The following SRGAP3 variants were observed in gnomAD, a reference collection of about 807,000 sequenced individuals.
The protein encoded by SRGAP3 is SLIT-ROBO Rho GTPase-activating protein 3.
SRGAP3 carries 39 observed loss-of-function variants against 121.1 expected under a neutral mutation model. The observed-to-expected ratio is 0.32, with a 90% CI of 0.25 to 0.42. The LOEUF is 0.42. SRGAP3 is among the 10% of genes least tolerant of loss of function. The pLI, the probability that SRGAP3 is intolerant of heterozygous loss-of-function variation, is 1.00. For missense variants in SRGAP3, 1,213 were observed against 1,470.6 expected (o/e 0.82, Z 2.86); for synonymous variants, 601 against 570.0 (o/e 1.05, Z -0.77).
At chr3:9,186,945 C>G (rs1367335309) in intron 1 of SRGAP3, among the ~76,000 whole-genome samples, 1 of 152,094 alleles carries the variant, frequency 6.6e-6, no homozygotes, top group Non-Finnish European at 1.5e-5. Context: ...TTTCCTTCAG[C>G]AAAAAGTTTT....
In SRGAP3 at chr3:9,332,592, C is replaced by T. The variant is rs183787432; in HGVS notation, n.215-1996G>A. 2.0e-3 allele frequency among the ~76,000 whole-genome samples: 311 copies of T among 152,054 alleles called. 1 individual carries two copies. Among genetic ancestry groups the T allele is most frequent in the South Asian group, 3.1e-3 (15 of 4,826 alleles). ...ACTGATGAGACAGTGCAGAAGATTACGCAAAAAAAAGAATGTCAAGAGAGT... is the reference window on the plus strand; with the variant it reads ...ACTGATGAGACAGTGCAGAAGATTATGCAAAAAAAAGAATGTCAAGAGAGT... On this transcript the variant is annotated intron_variant and non_coding_transcript_variant, in intron 1 of 3. Transcript: ENST00000490889.
chr3:9,257,840 G>A (rs11719261), intron 3 of SRGAP3, among the ~76,000 whole-genome samples: 13,203 of 151,262 alleles, frequency 0.087, 723 homozygotes, highest in Middle Eastern at 0.16. Context: ...GAGTAGCTGG[G>A]ATTACAGGCA....
intron 3 of SRGAP3, among the ~76,000 whole-genome samples, chr3:9,266,738 T>C (rs1409043926): frequency 6.6e-6 from 1 of 151,892 alleles, no homozygotes; most frequent in Non-Finnish European, 1.5e-5. Flanking sequence ...AGTCAATTAC[T>C]CCCTCCACTG....
At chr3:9,234,309 G>A (rs556178458) in intron 1 of SRGAP3, among the ~76,000 whole-genome samples, 1 of 152,206 alleles carries the variant, frequency 6.6e-6, no homozygotes, top group South Asian at 2.1e-4. Flanking sequence ...TGTCTGGAGA[G>A]GCCACTGATC....
At chr3:9,000,308 T>C (rs908925804) in intron 18 of SRGAP3, among the ~76,000 whole-genome samples, 1 of 152,208 alleles carries the variant, frequency 6.6e-6, no homozygotes, top group Non-Finnish European at 1.5e-5. Context: ...GGGGGTTCTA[T>C]CAACCTTGCC....
intron 18 of SRGAP3, among the ~76,000 whole-genome samples, chr3:9,008,527 T>G: frequency 6.7e-6 from 1 of 148,972 alleles, no homozygotes; most frequent in Admixed American, 6.7e-5. Flanking sequence ...GAGCAACAGA[T>G]GGAGAGGACA....
intron 10 of SRGAP3, among the ~76,000 whole-genome samples, chr3:9,045,269 G>A (rs1406713471): frequency 1.3e-5 from 2 of 151,716 alleles, no homozygotes; most frequent in African/African-American, 4.8e-5. Context: ...AGCGCAGTGA[G>A]CCTCTCCACG....
At chr3:9,105,111 T>C (rs1031451256) in intron 2 of SRGAP3, among the ~76,000 whole-genome samples, 1 of 152,236 alleles carries the variant, frequency 6.6e-6, no homozygotes, top group Admixed American at 6.5e-5. Context: ...CAGGTACCTC[T>C]ACCTTCTGGG....
At chr3:9,278,489 T>C (rs1954622296) in intron 3 of SRGAP3, among the ~76,000 whole-genome samples, 1 of 152,220 alleles carries the variant, frequency 6.6e-6, no homozygotes. Flanking sequence ...ATTGATAATA[T>C]TGTGTGTCTA....
chr3:9,336,205 C>T (rs1406044563), intron 1 of SRGAP3, among the ~76,000 whole-genome samples: 1 of 151,800 alleles, frequency 6.6e-6, no homozygotes, highest in African/African-American at 2.4e-5. Flanking sequence ...CCCTCTCCCC[C>T]TCCCCCTCCC....
intron 8 of SRGAP3, among the ~76,000 whole-genome samples, chr3:9,055,859 A>C (rs1327699684): frequency 6.6e-6 from 1 of 151,610 alleles, no homozygotes; most frequent in Non-Finnish European, 1.5e-5. Context: ...GGCAATACTG[A>C]ACATAGAGTC....
At chr3:9,029,992 T>A (rs78326115) in intron 12 of SRGAP3, among the ~76,000 whole-genome samples, 21 of 101,374 alleles carry the variant, frequency 2.1e-4, no homozygotes, top group East Asian at 4.2e-4. Flanking sequence ...AAAAAAAAAA[T>A]TATTTTTTAA....
intron 1 of SRGAP3, among the ~76,000 whole-genome samples, chr3:9,209,358 A>G (rs1033419438): frequency 6.6e-6 from 1 of 152,266 alleles, no homozygotes; most frequent in African/African-American, 2.4e-5. Context: ...TCAAAGCCAT[A>G]GGAAAAGATC....
intron 1 of SRGAP3, among the ~76,000 whole-genome samples, chr3:9,208,461 G>A (rs913413890): frequency 6.6e-6 from 1 of 152,148 alleles, no homozygotes; most frequent in Non-Finnish European, 1.5e-5. Context: ...AAAGGTCTTA[G>A]GAACCCATCC....
intron 1 of SRGAP3, 108 bp downstream of exon 1, chr3:9,248,777 C>T: frequency 8.7e-7 from 1 of 1,151,386 alleles, no homozygotes; most frequent in East Asian, 2.4e-5. Context: ...TGATGCATAA[C>T]ATTTCATAAT....
Position 9,218,986 on chromosome 3 carries a change from CTTATTTTATTTTTATT to C in SRGAP3, c.67+29883_67+29898del, listed in dbSNP as rs1344755113. Among the ~76,000 whole-genome samples, 1 of 152,000 alleles carries C rather than the reference CTTATTTTATTTTTATT, an allele frequency of 6.6e-6. No homozygotes were observed. Among genetic ancestry groups the C allele is most frequent in the Non-Finnish European group, 1.5e-5 (1 of 68,016 alleles). On this transcript the variant is annotated intron_variant, in intron 1 of 21. Coordinates refer to ENST00000383836, the MANE Select transcript of SRGAP3 (RefSeq NM_014850.4). The surrounding 1 kb of genome is among the most constrained non-coding windows in gnomAD (Gnocchi z 5.3). ...CTGCGCCCAGCCTATTTTATCTTATCTTATTTTATTTTTATTTTATTTTATTTAAATAGAGACAGGG... is the reference window on the plus strand; with the variant it reads ...CTGCGCCCAGCCTATTTTATCTTATCTTATTTTATTTAAATAGAGACAGGG...
intron 3 of SRGAP3, among the ~76,000 whole-genome samples, chr3:9,300,111 G>T (rs571644382): frequency 2.9e-5 from 1 of 34,260 alleles, no homozygotes; most frequent in South Asian, 8.4e-4. Flanking sequence ...AACAATGTCT[G>T]GCATACGCTA....
intron 2 of SRGAP3, among the ~76,000 whole-genome samples, chr3:9,105,818 A>G (rs976872818): frequency 2.0e-5 from 3 of 152,232 alleles, no homozygotes; most frequent in Non-Finnish European, 4.4e-5. Context: ...CACAAGTTGA[A>G]GATATCCTAA....
rs1379959392 is a variant in SRGAP3, at chr3:9,124,988, T to C, written c.68-71A>G. ...GGGGCACTGGGGCCCGCTCTGCTGC[T>C]GGCCTGGGCCCTGCAATTCAGGCAG... On this transcript the variant is annotated intron_variant, in intron 1 of 21. Transcript: ENST00000383836. The C allele has an allele frequency of 2.5e-6, 4 of 1,573,706 alleles. No homozygotes were observed. In the Admixed American group the frequency reaches 5.1e-5, roughly 20 times the overall value.
Sources: gnomAD v4.1 joint callset for allele counts (sites outside exome capture counted in the v4.1 genomes callset) on GRCh38, gnomAD v4.1.1 for gene constraint, Gnocchi (gnomAD v3.1) non-coding constraint, MANE v1.5 for transcripts, NCBI Gene and HGNC (gene_info 2026-07-23, HGNC 2026-07-21) for gene names.